Variants in WFDC8 observed in about 807,000 individuals in gnomAD.
WFDC8 encodes WAP four-disulfide core domain 8.
Under a neutral mutation model 27.0 loss-of-function variants are expected in WFDC8, and 24 were observed. The ratio of observed to expected loss-of-function variants is 0.89; its 90% CI spans 0.64 to 1.25. WFDC8 has a LOEUF of 1.25. Among genes scored for constraint, WFDC8 ranks in the 50% most tolerant of loss-of-function variants. The pLI is 0.00. For synonymous variants in WFDC8, 106 were observed against 99.7 expected (o/e 1.06, Z -0.38); for missense variants, 287 against 295.9 (o/e 0.97, Z 0.22).
At chr20:45,555,985 TGGCAGGG>T in intron 3 of WFDC8, 117 bp from the exon 4 acceptor site, 1 of 1,069,418 alleles carries the variant, frequency 9.4e-7, no homozygotes, top group Non-Finnish European at 1.3e-6. Context: ...AAAGGAGCCA[TGGCAGGG>T]GAAAAAAAAA....
intron 1 of WFDC8, among the ~76,000 whole-genome samples, chr20:45,564,916 G>A (rs1013666352): frequency 1.4e-5 from 2 of 143,874 alleles, no homozygotes; most frequent in African/African-American, 5.2e-5. Flanking sequence ...GAAAAAAGAA[G>A]AAAGAGAGAG....
chr20:45,553,238 G>T lies in WFDC8; in HGVS notation c.484C>A (p.Arg162Ser). The change falls in exon 5 of 6, where the codon CGT (arginine) becomes AGT (serine). Residue 162 changes from arginine to serine, a missense_variant. Physicochemically the swap from Arg to Ser is moderately radical, Grantham distance 110 (BLOSUM62 -1). Transcript: ENST00000289953. ...GQCPLFPFTE[R>S]KECPPSCHSD... Reference sequence around the variant, plus strand: ...TGACATGAAGGTGGACACTCCTTACGTTCAGTGAAAGGGAAGAGTGGGCAT... The same window carrying T: ...TGACATGAAGGTGGACACTCCTTACTTTCAGTGAAAGGGAAGAGTGGGCAT... 6.2e-7 allele frequency: 1 copy of T among 1,613,806 alleles called. No homozygotes were observed. Among genetic ancestry groups the T allele is most frequent in the South Asian group, 1.1e-5 (1 of 91,056 alleles).
At chr20:45,569,950 C>T (rs996225554) in intron 1 of WFDC8, among the ~76,000 whole-genome samples, 19 of 152,134 alleles carry the variant, frequency 1.2e-4, no homozygotes, top group African/African-American at 3.6e-4. Context: ...AACCAAATAC[C>T]GCATGTTCTC....
At chr20:45,556,037 G>A (rs748811744) in intron 3 of WFDC8, among the ~76,000 whole-genome samples, 169 bp from the exon 4 acceptor site, 2 of 152,164 alleles carry the variant, frequency 1.3e-5, no homozygotes, top group Admixed American at 1.3e-4. Context: ...ACTACTAATA[G>A]TCTATGTTGT....
At chr20:45,571,728 A>G (rs1368136828) in intron 1 of WFDC8, among the ~76,000 whole-genome samples, 1 of 152,156 alleles carries the variant, frequency 6.6e-6, no homozygotes, top group Non-Finnish European at 1.5e-5. Flanking sequence ...GAGACATGCA[A>G]TATTTGTCTT....
In WFDC8 at chr20:45,562,106, T is replaced by G. The variant is rs1178858686; in HGVS notation, c.136+4A>C. ...AAGAATGGCTGCAGCTTTTTTGAACTCACGTTTGATCTTCTTGGTCAGCAT... is the reference window on the plus strand; with the variant it reads ...AAGAATGGCTGCAGCTTTTTTGAACGCACGTTTGATCTTCTTGGTCAGCAT... On this transcript the variant is annotated splice_donor_region_variant and intron_variant, in intron 2 of 5. Coordinates refer to ENST00000289953, the MANE Select transcript of WFDC8 (RefSeq NM_130896.3). 2 of 1,613,594 alleles carry G rather than the reference T, an allele frequency of 1.2e-6. No homozygotes were observed. The highest frequency in any genetic ancestry group is 2.2e-5 in the South Asian group (2 of 91,052).
chr20:45,562,066 T>A lies in WFDC8; in HGVS notation c.136+44A>T, dbSNP rs3817887. 5.1e-6 allele frequency: 8 copies of A among 1,568,924 alleles called. No individual in the cohort carries two copies. In the East Asian group the frequency reaches 1.8e-4, roughly 35 times the overall value. On this transcript the variant is annotated intron_variant, in intron 2 of 5. Coordinates refer to ENST00000289953, the MANE Select transcript of WFDC8 (RefSeq NM_130896.3). Reference sequence around the variant, plus strand: ...CCTCATGTCTAACCCTCATCCCCAATAATGCTTTCTAAGGAAGAATGGCTG... The same window carrying A: ...CCTCATGTCTAACCCTCATCCCCAAAAATGCTTTCTAAGGAAGAATGGCTG...
chr20:45,555,717 C>T lies in WFDC8; in HGVS notation c.429G>A (p.Thr143=), dbSNP rs778254136. The change falls in exon 4 of 6, where the codon ACG becomes ACA. Residue 143 remains threonine (T), a synonymous_variant. Transcript: ENST00000289953. The part of the protein sequence containing the change: ...NNFLNEDACR[T]ACMLIVKDGQ... ...AGGTCTCACCAATTAACATGCAGGCCGTTCTGCAGGCATCCTCATTTAAGA... is the reference window on the plus strand; with the variant it reads ...AGGTCTCACCAATTAACATGCAGGCTGTTCTGCAGGCATCCTCATTTAAGA... The T allele has an allele frequency of 2.8e-5, 45 of 1,612,326 alleles. No individual in the cohort carries two copies. Among genetic ancestry groups the T allele is most frequent in the Middle Eastern group, 2.1e-4 (1 of 4,730 alleles).
rs370645806 is a variant in WFDC8 at position 45,555,563 on chromosome 20, C to A, written c.445+138G>T. ...AGCTTATAAAGGCAGGCAACTGGCC[C>A]AAGACCTCCCAGCCAGTGAATGACA... On this transcript the variant is annotated intron_variant, in intron 4 of 5. Coordinates refer to ENST00000289953, the MANE Select transcript of WFDC8 (RefSeq NM_130896.3). 3.5e-5 allele frequency: 33 copies of A among 956,252 alleles called. No homozygotes were observed. In the African/African-American group the frequency reaches 4.6e-4, roughly 13 times the overall value. 59.2% of individuals were successfully genotyped at this position (956,252 alleles called of 1,614,324 possible). A position where few individuals can be genotyped will look rare whatever the true frequency, so the allele number is the denominator to read the frequency against.
chr20:45,579,150 T>C (rs1981148255), intron 1 of WFDC8, 72 bp downstream of exon 1: 6 of 1,490,770 alleles, frequency 4.0e-6, no homozygotes, highest in Non-Finnish European at 5.6e-6. Context: ...CTAACTTCTA[T>C]GTATCCTCCT....
chr20:45,566,846 T>G (rs1447379542), intron 1 of WFDC8, among the ~76,000 whole-genome samples: 4 of 152,148 alleles, frequency 2.6e-5, no homozygotes, highest in Non-Finnish European at 5.9e-5. Flanking sequence ...CCAGGAACTC[T>G]CATGGATACC....
At chr20:45,571,344 G>T (rs1444021620) in intron 1 of WFDC8, among the ~76,000 whole-genome samples, 4 of 151,794 alleles carry the variant, frequency 2.6e-5, no homozygotes, top group Non-Finnish European at 5.9e-5. Flanking sequence ...TGCACTTTAA[G>T]AAATTTATTT....
At position 45,555,712 on chromosome 20, in the gene WFDC8, C is replaced by G. The variant is rs1214681144; in HGVS notation, c.434G>C (p.Cys145Ser). The G allele has an allele frequency of 2.5e-6, 4 of 1,612,282 alleles. No homozygotes were observed. The highest frequency in any genetic ancestry group is 3.4e-6 in the Non-Finnish European group (4 of 1,179,992). ...FLNEDACRTA[C>S]MLIVKDGQCP... ...GATAGAGGTCTCACCAATTAACATG[C>G]AGGCCGTTCTGCAGGCATCCTCATT... is the stretch of plus-strand genomic sequence containing the variant. Residue 145 changes from cysteine (C) to serine (S), a missense_variant, in exon 4 of 6, where the codon TGC becomes TCC. Transcript: ENST00000289953.
intron 1 of WFDC8, among the ~76,000 whole-genome samples, chr20:45,567,093 A>G (rs1980705480): frequency 6.6e-6 from 1 of 152,054 alleles, no homozygotes; most frequent in Non-Finnish European, 1.5e-5. Flanking sequence ...AGTTGATTGG[A>G]CCTGCAGATG....
chr20:45,553,925 T>C (rs1184326212), intron 4 of WFDC8, among the ~76,000 whole-genome samples: 1 of 152,174 alleles, frequency 6.6e-6, no homozygotes, highest in South Asian at 2.1e-4. Flanking sequence ...TCAACCAAGA[T>C]GAGAAGCATG....
rs561673761 is a variant in WFDC8 at position 45,571,998 on chromosome 20, TG to T, written c.26+7223del. ...TTTCTTTTGGATATATACCCAAATA[TG>T]GGATTGCTGGATTATGCAGTAATTC... On this transcript the variant is annotated intron_variant, in intron 1 of 5. Transcript: ENST00000289953. Among the ~76,000 whole-genome samples the T allele has an allele frequency of 5.3e-5, 8 of 152,290 alleles. No individual in the cohort carries two copies. In the South Asian group the frequency reaches 1.7e-3, roughly 32 times the overall value.
chr20:45,571,066 T>G (rs570508729), intron 1 of WFDC8, among the ~76,000 whole-genome samples: 2 of 152,172 alleles, frequency 1.3e-5, no homozygotes, highest in Non-Finnish European at 2.9e-5. Flanking sequence ...CAGAGCCCCA[T>G]CATTGAACCT....
Position 45,555,768 on chromosome 20 carries a change from C to A in WFDC8, c.378G>T (p.Arg126Ser), listed in dbSNP as rs142037201. 1.6e-3 allele frequency: 2,606 copies of A among 1,613,580 alleles called. 4 individuals are homozygous for A. Among genetic ancestry groups the A allele is most frequent in the Non-Finnish European group, 2.0e-3 (2,352 of 1,180,024 alleles). Residue 126 changes from arginine (R) to serine (S), a missense_variant, in exon 4 of 6, where the codon AGG (arginine) becomes AGT (serine). By Grantham distance (110) the Arg-to-Ser change is moderately radical (BLOSUM62 -1). Transcript: ENST00000289953. ...AGTTGTTGGCATTCCCTTCGCAGCC[C>A]CTGTATTTGAAGGGTGTGCAGCGGT... ...KNYRCTPFKYRGCEGNANNFL... is the reference protein window; with the variant it reads ...KNYRCTPFKYSGCEGNANNFL...
intron 1 of WFDC8, among the ~76,000 whole-genome samples, chr20:45,564,287 C>T (rs1812220410): frequency 6.6e-6 from 1 of 152,150 alleles, no homozygotes; most frequent in Non-Finnish European, 1.5e-5. Context: ...AAATAACACA[C>T]TAGGTTCTGG....
Sources: allele counts gnomAD v4.1 joint callset (sites outside exome capture counted in the v4.1 genomes callset), GRCh38; gene constraint gnomAD v4.1.1; transcripts MANE v1.5; gene names NCBI Gene and HGNC (gene_info 2026-07-23, HGNC 2026-07-21).